The following PPARGC1A variants were observed in gnomAD, a reference collection of about 807,000 sequenced individuals.
PPARGC1A encodes PPARG coactivator 1 alpha, also known as peroxisome proliferator-activated receptor gamma coactivator 1-alpha.
In PPARGC1A, 25 loss-of-function variants were observed where a neutral mutation model predicts 88.7. The observed-to-expected ratio is 0.28, with a 90% CI of 0.21 to 0.39. The LOEUF (loss-of-function observed/expected upper bound fraction) is 0.39, where lower values mean the gene tolerates loss of function less well. Among genes scored for constraint, PPARGC1A ranks in the 10% least tolerant of loss-of-function variants. PPARGC1A has a pLI of 1.00. For synonymous variants in PPARGC1A, 363 were observed against 355.6 expected, an observed-to-expected ratio of 1.02 and a Z score of -0.24; for missense variants, 880 against 968.7, an observed-to-expected ratio of 0.91 and a Z score of 1.22.
chr4:24,467,299 C>G, the PPARGC1A span, among the ~76,000 whole-genome samples: 2 of 152,128 alleles, frequency 1.3e-5, no homozygotes, highest in Non-Finnish European at 2.9e-5. Context: ...GCTGGATTTA[C>G]AGGAGGATTT....
At chr4:24,019,538 G>A in the PPARGC1A span, among the ~76,000 whole-genome samples, 3 of 152,138 alleles carry the variant, frequency 2.0e-5, no homozygotes, top group African/African-American at 7.2e-5. Context: ...AAAGTATTCT[G>A]ATGAGACACT....
the PPARGC1A span, among the ~76,000 whole-genome samples, chr4:24,074,702 G>A: frequency 6.6e-6 from 1 of 151,936 alleles, no homozygotes; most frequent in Admixed American, 6.6e-5. Flanking sequence ...TGTTCTGTCG[G>A]TGCTAACTCC....
chr4:24,089,514 C>CT, the PPARGC1A span, among the ~76,000 whole-genome samples: 1,374 of 38,658 alleles, frequency 0.036, 29 homozygotes, highest in East Asian at 0.13. Flanking sequence ...TCTTTTCTTT[C>CT]TTTTTTTTTT....
At chr4:23,961,039 G>A in the PPARGC1A span, among the ~76,000 whole-genome samples, 91 of 152,276 alleles carry the variant, frequency 6.0e-4, 1 homozygote, top group Middle Eastern at 0.01. Flanking sequence ...ATGGCTAAGA[G>A]AATGTGTATG....
chr4:23,824,515 A>C lies in PPARGC1A; in HGVS notation c.758-7T>G. The C allele has an allele frequency of 6.7e-7, 1 of 1,495,010 alleles. No individual in the cohort carries two copies. 92.6% of individuals were successfully genotyped at this position (1,495,010 alleles called of 1,614,324 possible). A position where few individuals can be genotyped will look rare whatever the true frequency, so the allele number is the denominator to read the frequency against. On this transcript the variant is annotated splice_region_variant and splice_polypyrimidine_tract_variant and intron_variant, in intron 5 of 12. Transcript: ENST00000264867. ...GATAAAGTTGTTGGTTTGGCTAAAGAAAAAAAAAAGAAACTAATTATGTAA... is the reference window on the plus strand; with the variant it reads ...GATAAAGTTGTTGGTTTGGCTAAAGCAAAAAAAAAGAAACTAATTATGTAA...
the PPARGC1A span, among the ~76,000 whole-genome samples, chr4:24,113,403 T>G: frequency 6.6e-6 from 1 of 152,312 alleles, no homozygotes; most frequent in East Asian, 1.9e-4. Flanking sequence ...ATATTTACTG[T>G]GAACAAACTG....
the PPARGC1A span, among the ~76,000 whole-genome samples, chr4:24,364,733 G>A: frequency 6.6e-6 from 1 of 151,814 alleles, no homozygotes; most frequent in African/African-American, 2.4e-5. Flanking sequence ...TTGTGTATAC[G>A]TGTGGACCCA....
At chr4:24,207,227 A>G in the PPARGC1A span, among the ~76,000 whole-genome samples, 17 of 152,194 alleles carry the variant, frequency 1.1e-4, no homozygotes, top group Admixed American at 8.5e-4. Flanking sequence ...GAAAGGCAAT[A>G]TGATTTTTGA....
At chr4:24,033,274 A>G in the PPARGC1A span, among the ~76,000 whole-genome samples, 14 of 152,338 alleles carry the variant, frequency 9.2e-5, 1 homozygote, top group East Asian at 1.7e-3. Context: ...AGTTGAGGTA[A>G]CAACTAAATG....
At chr4:24,010,809 A>C in the PPARGC1A span, among the ~76,000 whole-genome samples, 1 of 152,176 alleles carries the variant, frequency 6.6e-6, no homozygotes, top group Admixed American at 6.5e-5. Flanking sequence ...ATATTTGCTT[A>C]AGAGGAACAG....
At chr4:23,932,501 T>C in the PPARGC1A span, among the ~76,000 whole-genome samples, 1 of 152,068 alleles carries the variant, frequency 6.6e-6, no homozygotes, top group Admixed American at 6.6e-5. Flanking sequence ...CAAAATTAAA[T>C]ATAAATAGAG....
At chr4:24,330,089 C>T in the PPARGC1A span, among the ~76,000 whole-genome samples, 115 of 152,252 alleles carry the variant, frequency 7.6e-4, no homozygotes, top group African/African-American at 2.6e-3. Context: ...TCAGTATTCT[C>T]TACTGATCTA....
chr4:24,270,307 CTCTCTCTCTCT>C, the PPARGC1A span, among the ~76,000 whole-genome samples: 1 of 4,272 alleles, frequency 2.3e-4, no homozygotes, highest in African/African-American at 8.0e-4. Context: ...ATAAATCAAC[CTCTCTCTCTCT>C]CTCTCTCTCT....
At chr4:23,978,855 G>C in the PPARGC1A span, among the ~76,000 whole-genome samples, 6 of 152,162 alleles carry the variant, frequency 3.9e-5, no homozygotes, top group Non-Finnish European at 8.8e-5. Context: ...GTTTTTTGCA[G>C]ATGAACAAAA....
chr4:23,854,646 A>C (rs543173389), intron 2 of PPARGC1A, among the ~76,000 whole-genome samples: 1 of 152,232 alleles, frequency 6.6e-6, no homozygotes, highest in Admixed American at 6.5e-5. Flanking sequence ...TTTTATACTG[A>C]AAATAAACAC....
the PPARGC1A span, among the ~76,000 whole-genome samples, chr4:24,357,075 G>A: frequency 2.7e-3 from 405 of 152,330 alleles, 9 homozygotes; most frequent in African/African-American, 9.4e-3. Flanking sequence ...GGACTATGCT[G>A]AGACAGGTCT....
chr4:24,437,640 TA>T, the PPARGC1A span, among the ~76,000 whole-genome samples: 8 of 151,106 alleles, frequency 5.3e-5, no homozygotes, highest in Non-Finnish European at 1.0e-4. Context: ...GTTGTTGTTT[TA>T]GTTTTGGTTT....
At chr4:24,231,565 AG>A in the PPARGC1A span, among the ~76,000 whole-genome samples, 1 of 152,178 alleles carries the variant, frequency 6.6e-6, no homozygotes, top group Non-Finnish European at 1.5e-5. Context: ...CAGGCAACAA[AG>A]GTTTCCGGAA....
chr4:23,965,149 C>G, the PPARGC1A span, among the ~76,000 whole-genome samples: 3 of 152,180 alleles, frequency 2.0e-5, no homozygotes, highest in Non-Finnish European at 4.4e-5. Flanking sequence ...CTCAAAGACT[C>G]TCTCCTCCAT....
Sources: gnomAD v4.1 joint callset for allele counts (sites outside exome capture counted in the v4.1 genomes callset) on GRCh38, gnomAD v4.1.1 for gene constraint, MANE v1.5 for transcripts, NCBI Gene and HGNC (gene_info 2026-07-23, HGNC 2026-07-21) for gene names.